Variants in DTNB observed in about 807,000 individuals in gnomAD.
DTNB encodes the protein DTN-B.
In DTNB, 63 loss-of-function variants were observed where a neutral mutation model predicts 90.7. The ratio of observed to expected loss-of-function variants is 0.69; its 90% CI spans 0.57 to 0.86. DTNB has a LOEUF of 0.86. Among genes scored for constraint, DTNB ranks in the 40% least tolerant of loss-of-function variants. The pLI, the probability that DTNB is intolerant of heterozygous loss-of-function variation, is 0.00. For missense variants in DTNB, 744 were observed against 807.1 expected (o/e 0.92, Z 0.95); for synonymous variants, 277 against 286.7 (o/e 0.97, Z 0.34).
intron 1 of DTNB, 85 bp from the exon 2 acceptor site, chr2:25,652,746 G>A (rs1020302330): frequency 1.7e-5 from 24 of 1,403,420 alleles, no homozygotes; most frequent in South Asian, 2.9e-5. Context: ...AAGAGGGACC[G>A]GAAACCAAGT....
chr2:25,384,531 C>T (rs1208360369), intron 18 of DTNB, among the ~76,000 whole-genome samples: 1 of 152,114 alleles, frequency 6.6e-6, no homozygotes, highest in East Asian at 1.9e-4. Context: ...TGGCCACATC[C>T]TGGTATGGTC....
In DTNB at chr2:25,437,481, C is replaced by T. The variant is rs531157354; in HGVS notation, c.1258-3486G>A. Among the ~76,000 whole-genome samples, 69 of 152,124 alleles carry T rather than the reference C, an allele frequency of 4.5e-4. No individual in the cohort carries two copies. In the South Asian group the frequency reaches 0.012, roughly 26 times the overall value. On this transcript the variant is annotated intron_variant, in intron 12 of 20. Coordinates refer to ENST00000406818, the MANE Select transcript of DTNB (RefSeq NM_021907.5). ...TTCACCATGTTGGCTAGGCTGGTCT[C>T]AAACTCCTGACCTCAAGTGATCTGC...
intron 9 of DTNB, among the ~76,000 whole-genome samples, chr2:25,529,661 T>C (rs1232660562): frequency 6.6e-6 from 1 of 151,994 alleles, no homozygotes; most frequent in Non-Finnish European, 1.5e-5. Flanking sequence ...AAAAATTCAA[T>C]AGGAATGATT....
intron 6 of DTNB, among the ~76,000 whole-genome samples, chr2:25,589,553 G>A (rs1340952770): frequency 6.6e-6 from 1 of 151,240 alleles, no homozygotes; most frequent in Non-Finnish European, 1.5e-5. Flanking sequence ...GCTAATTTTT[G>A]TATTTTTAGT....
chr2:25,670,576 T>C (rs2085602954), intron 1 of DTNB, among the ~76,000 whole-genome samples: 1 of 152,122 alleles, frequency 6.6e-6, no homozygotes, highest in East Asian at 1.9e-4. Context: ...TCACACAGAG[T>C]GTGCACTACA....
At chr2:25,437,094 G>A (rs2056045479) in intron 12 of DTNB, among the ~76,000 whole-genome samples, 1 of 152,130 alleles carries the variant, frequency 6.6e-6, no homozygotes, top group African/African-American at 2.4e-5. Flanking sequence ...TAAAGAAGTA[G>A]GGGTGGAGGA....
chr2:25,550,020 T>C (rs1408164013), intron 8 of DTNB, among the ~76,000 whole-genome samples: 1 of 152,148 alleles, frequency 6.6e-6, no homozygotes, highest in East Asian at 1.9e-4. Flanking sequence ...GCTACTGTGG[T>C]ACACTTGCTG....
intron 1 of DTNB, among the ~76,000 whole-genome samples, chr2:25,659,091 A>T (rs918185881): frequency 1.3e-5 from 2 of 149,548 alleles, no homozygotes; most frequent in African/African-American, 4.9e-5. Context: ...GCATGCAATT[A>T]AAAAAAAAAT....
intron 12 of DTNB, among the ~76,000 whole-genome samples, chr2:25,443,291 G>T (rs758980782): frequency 3.3e-5 from 5 of 152,180 alleles, no homozygotes; most frequent in Non-Finnish European, 7.3e-5. Context: ...TCCTTGGAAG[G>T]ACAAGGTGCC....
At position 25,465,370 on chromosome 2, in the gene DTNB, C is replaced by T. The variant is rs557987605; in HGVS notation, c.1080-9876G>A. On this transcript the variant is annotated intron_variant, in intron 10 of 20. Transcript: ENST00000406818. ...CAGCCTGGGCGACAGAGCGAGACTCCGTCTCAAAAAAAAAAAAAGAAAGAA... is the reference window on the plus strand; with the variant it reads ...CAGCCTGGGCGACAGAGCGAGACTCTGTCTCAAAAAAAAAAAAAGAAAGAA... Among the ~76,000 whole-genome samples, 77 of 96,944 alleles carry T rather than the reference C, an allele frequency of 7.9e-4. 1 individual carries two copies. In the South Asian group the frequency reaches 0.017, roughly 21 times the overall value. 63.6% of individuals were successfully genotyped at this position (96,944 alleles called of 152,430 possible).
rs548892356 is a variant in DTNB at position 25,388,238 on chromosome 2, C to T, written c.1699G>A (p.Gly567Arg). The T allele has an allele frequency of 2.5e-5, 40 of 1,600,378 alleles. No homozygotes were observed. Among genetic ancestry groups the T allele is most frequent in the Middle Eastern group, 1.7e-4 (1 of 6,042 alleles). ...PTHCPQDSLS[G>R]VGGDVQEAFA... The stretch of plus-strand genomic sequence containing the variant: ...GCCTCCTGCACGTCTCCCCCGACTC[C>T]GCTCAGCGAGTCCTGCGGACAGTGG... The change falls in exon 17 of 21, where the codon GGA (glycine) becomes AGA (arginine). Residue 567 changes from glycine to arginine, a missense_variant. By Grantham distance (125) the Gly-to-Arg change is moderately radical. Transcript: ENST00000406818.
chr2:25,639,356 A>T, intron 2 of DTNB: 1 of 304,814 alleles, frequency 3.3e-6, no homozygotes. Context: ...AACACTTATG[A>T]GGTGAGTGAG....
chr2:25,666,544 T>C (rs999240852), intron 1 of DTNB, among the ~76,000 whole-genome samples: 1 of 152,188 alleles, frequency 6.6e-6, no homozygotes, highest in Non-Finnish European at 1.5e-5. Context: ...TTGTATAAAG[T>C]TGAGAAAGGA....
At chr2:25,618,466 TTCCAATGTAAAG>T (rs1229461074) in intron 4 of DTNB, among the ~76,000 whole-genome samples, 4 of 152,236 alleles carry the variant, frequency 2.6e-5, no homozygotes, top group Non-Finnish European at 4.4e-5. Context: ...TTTTCACTAC[TTCCAATGTAAAG>T]TCCAAGTTTA....
In DTNB at chr2:25,449,120, T is replaced by C. The variant is rs995153222; in HGVS notation, c.1257+2428A>G. On this transcript the variant is annotated intron_variant, in intron 12 of 20. Transcript: ENST00000406818. ...CAGTACGTACTTTTTTTGTCTGGCT[T>C]CTTTTACTACTCATAATATTTTTGA... Among the ~76,000 whole-genome samples, 5 of 152,174 alleles carry C rather than the reference T, an allele frequency of 3.3e-5. 1 individual carries two copies. In the South Asian group the frequency reaches 1.0e-3, roughly 32 times the overall value.
At chr2:25,437,134 T>A (rs1434082747) in intron 12 of DTNB, among the ~76,000 whole-genome samples, 1 of 152,166 alleles carries the variant, frequency 6.6e-6, no homozygotes, top group Non-Finnish European at 1.5e-5. Context: ...GCAGTTCCCC[T>A]AGGGGCAGCT....
intron 16 of DTNB, among the ~76,000 whole-genome samples, chr2:25,418,139 T>A (rs770324704): frequency 6.6e-6 from 1 of 152,076 alleles, no homozygotes; most frequent in Non-Finnish European, 1.5e-5. Context: ...AAACCAAACC[T>A]AGGAAAAACC....
intron 4 of DTNB, among the ~76,000 whole-genome samples, 192 bp downstream of exon 4, chr2:25,627,979 G>C (rs1162899046): frequency 6.6e-6 from 1 of 152,042 alleles, no homozygotes; most frequent in East Asian, 1.9e-4. Context: ...CTTGTGATTT[G>C]CCCTCCTTGG....
At chr2:25,471,641 A>G (rs573017864) in intron 10 of DTNB, among the ~76,000 whole-genome samples, 144 of 152,266 alleles carry the variant, frequency 9.5e-4, no homozygotes, top group African/African-American at 3.3e-3. Context: ...AGCAATCCAG[A>G]TCCACCTGCC....
Sources: gnomAD v4.1 joint callset for allele counts (sites outside exome capture counted in the v4.1 genomes callset) on GRCh38, gnomAD v4.1.1 for gene constraint, MANE v1.5 for transcripts, NCBI Gene and HGNC (gene_info 2026-07-23, HGNC 2026-07-21) for gene names.